Variants in ZNF331 observed in about 807,000 individuals in gnomAD.
ZNF331 encodes zinc finger protein 331, also known as C2H2-like zinc finger protein rearranged in thyroid adenomas.
In ZNF331, 2 loss-of-function variants were observed where a neutral mutation model predicts 7.0. The ratio of observed to expected loss-of-function variants is 0.29; its 90% CI spans 0.12 to 0.90. The LOEUF (loss-of-function observed/expected upper bound fraction) is 0.90, where lower values mean the gene tolerates loss of function less well. Ranked by LOEUF, ZNF331 falls within the 40% of genes least tolerant of loss-of-function variation. ZNF331 has a pLI of 0.58. For missense variants in ZNF331, 432 were observed against 587.7 expected, an observed-to-expected ratio of 0.74 and a Z score of 2.74; for synonymous variants, 196 against 205.4, an observed-to-expected ratio of 0.95 and a Z score of 0.39.
At chr19:53,566,196 G>A (rs189698989) in intron 3 of ZNF331, among the ~76,000 whole-genome samples, 48 of 152,182 alleles carry the variant, frequency 3.2e-4, no homozygotes, top group African/African-American at 4.6e-4. Flanking sequence ...GCATCACACC[G>A]GATGTGCCTG....
upstream of ZNF331, chr19:53,537,703 G>A (rs2087822263): frequency 1.3e-5 from 2 of 152,326 alleles, no homozygotes; most frequent in South Asian, 4.1e-4. Context: ...ACGGCCCCGC[G>A]TCCTCTTCTA....
intron 2 of ZNF331, among the ~76,000 whole-genome samples, chr19:53,542,356 G>A (rs767511172): frequency 2.0e-5 from 3 of 152,168 alleles, no homozygotes; most frequent in African/African-American, 2.4e-5. Flanking sequence ...GAATGTTAAT[G>A]TTCCTTTCCC....
the ZNF331 span, among the ~76,000 whole-genome samples, chr19:53,506,086 A>G: frequency 4.6e-5 from 7 of 151,688 alleles, no homozygotes; most frequent in East Asian, 1.9e-4. Flanking sequence ...CTGTAATCCC[A>G]GCACTTTGGG....
At position 53,560,123 on chromosome 19, in the gene ZNF331, TAC is replaced by T. The variant is rs2089779100; in HGVS notation, c.-74+4222_-74+4223del. On this transcript the variant is annotated intron_variant, in intron 3 of 5. Transcript: ENST00000449416. The surrounding 1 kb of genome is among the most constrained non-coding windows in gnomAD (Gnocchi z 4.3). ...TACCCACACCATACACACACATATATACACACACCATATATATACACACATAT... is the reference window on the plus strand; with the variant it reads ...TACCCACACCATACACACACATATATACACACCATATATATACACACATAT... Among the ~76,000 whole-genome samples, 1 of 148,328 alleles carries T rather than the reference TAC, an allele frequency of 6.7e-6. No homozygotes were observed. The highest frequency in any genetic ancestry group is 6.7e-5 in the Admixed American group (1 of 14,872).
chr19:53,569,266 G>A (rs564452614), intron 3 of ZNF331, 38 bp from the exon 4 acceptor site: 1 of 1,238,426 alleles, frequency 8.1e-7, no homozygotes. Flanking sequence ...GGGGACCCCA[G>A]ATGCACCTCG....
chr19:53,546,140 G>GAAAAAAAAAAAAAATAAAAA (rs2088589052), intron 2 of ZNF331, among the ~76,000 whole-genome samples: 1 of 113,484 alleles, frequency 8.8e-6, no homozygotes, highest in Non-Finnish European at 1.9e-5. Context: ...TCCTGAGGGG[G>GAAAAAAAAAAAAAATAAAAA]AAAAAAAAAA....
At chr19:53,543,138 G>A (rs1336975514) in intron 2 of ZNF331, among the ~76,000 whole-genome samples, 1 of 151,744 alleles carries the variant, frequency 6.6e-6, no homozygotes, top group African/African-American at 2.4e-5. Context: ...AAAAAAGGAG[G>A]GGGCCAGGCA....
chr19:53,529,702 CA>C (rs11298035), intron 2 of ZNF331, among the ~76,000 whole-genome samples: 39,873 of 151,992 alleles, frequency 0.26, 6,181 homozygotes, highest in African/African-American at 0.43. Context: ...GAGTCAAAAT[CA>C]AGACTTGTTA....
the ZNF331 span, among the ~76,000 whole-genome samples, chr19:53,506,420 C>CTG: frequency 0.17 from 13,885 of 83,904 alleles, 1,636 homozygotes; most frequent in South Asian, 0.23. Flanking sequence ...TCCTCTCTCT[C>CTG]TCTCTCTCTC....
At position 53,577,212 on chromosome 19, in the gene ZNF331, A is replaced by G. The variant is rs1185142495; in HGVS notation, c.652A>G (p.Lys218Glu). Reference sequence around the variant, plus strand: ...TACTGGTGAAAAACCCTATGAATGTAAAGACTGTGGAAAGGCCTTTCGGCG... The same window carrying G: ...TACTGGTGAAAAACCCTATGAATGTGAAGACTGTGGAAAGGCCTTTCGGCG... ...IHTGEKPYECKDCGKAFRRGD... is the reference protein window; with the variant it reads ...IHTGEKPYECEDCGKAFRRGD... Residue 218 changes from lysine (K) to glutamate (E), a missense_variant, in exon 6 of 6, where the codon AAA (lysine) becomes GAA (glutamate). This residue lies in a region of ZNF331 where 312 missense variants were observed against 448.6 expected (regional missense o/e 0.70). Coordinates refer to ENST00000449416, the MANE Select transcript of ZNF331 (RefSeq NM_001079906.2). 6.2e-7 allele frequency: 1 copy of G among 1,613,354 alleles called. No homozygotes were observed. The highest frequency in any genetic ancestry group is 1.3e-5 in the African/African-American group (1 of 74,624).
chr19:53,574,295 A>G (rs1174873860), intron 5 of ZNF331, among the ~76,000 whole-genome samples: 2 of 151,952 alleles, frequency 1.3e-5, no homozygotes, highest in African/African-American at 4.8e-5. Context: ...GAGACAAGAC[A>G]ACAATACGGA....
At chr19:53,503,682 GC>G in the ZNF331 span, 1 of 705,330 alleles carries the variant, frequency 1.4e-6, no homozygotes, top group Non-Finnish European at 2.6e-6. Flanking sequence ...TCCATTGGCA[GC>G]ACCTGCCTCC....
intron 2 of ZNF331, among the ~76,000 whole-genome samples, chr19:53,553,426 A>T (rs952228188): frequency 6.6e-6 from 1 of 152,218 alleles, no homozygotes; most frequent in Non-Finnish European, 1.5e-5. Flanking sequence ...AAAGATACAT[A>T]GGCTTTCTCA....
At chr19:53,522,385 C>T (rs10403042) in intron 1 of ZNF331, among the ~76,000 whole-genome samples, 24,435 of 151,724 alleles carry the variant, frequency 0.16, 2,364 homozygotes, top group African/African-American at 0.27. Flanking sequence ...CACAGGCGCA[C>T]GCCACCATGC....
chr19:53,525,693 G>A (rs541231123), intron 2 of ZNF331, among the ~76,000 whole-genome samples: 2 of 152,212 alleles, frequency 1.3e-5, no homozygotes, highest in East Asian at 3.9e-4. Flanking sequence ...ATTTTTTGAT[G>A]GAGCTTTTAG....
intron 2 of ZNF331, among the ~76,000 whole-genome samples, chr19:53,531,197 A>C (rs1234433895): frequency 6.6e-6 from 1 of 152,196 alleles, no homozygotes; most frequent in Non-Finnish European, 1.5e-5. Context: ...TCAAGGTTCA[A>C]GTGAGTTACG....
intron 2 of ZNF331, 55 bp from the exon 3 acceptor site, chr19:53,555,790 T>A (rs2089356570): frequency 6.6e-6 from 1 of 152,184 alleles, no homozygotes; most frequent in Non-Finnish European, 1.5e-5. Flanking sequence ...CTCGTATTTC[T>A]CATTGGTTTT....
At chr19:53,554,565 G>A (rs1348412574) in intron 2 of ZNF331, 3 of 152,214 alleles carry the variant, frequency 2.0e-5, no homozygotes, top group African/African-American at 7.2e-5. Flanking sequence ...GTGCGAGGCT[G>A]ACGCGGCGGC....
intron 2 of ZNF331, among the ~76,000 whole-genome samples, chr19:53,540,068 T>C (rs531335053): frequency 6.6e-6 from 1 of 152,360 alleles, no homozygotes; most frequent in Admixed American, 6.5e-5. Flanking sequence ...CATGACATTT[T>C]AGTATATTAT....
Sources: gnomAD v4.1 joint callset for allele counts (sites outside exome capture counted in the v4.1 genomes callset) on GRCh38, gnomAD v4.1.1 for gene constraint, gnomAD v4.1.1 regional missense constraint, Gnocchi (gnomAD v3.1) non-coding constraint, MANE v1.5 for transcripts, NCBI Gene and HGNC (gene_info 2026-07-23, HGNC 2026-07-21) for gene names.